The following MANBA variants were observed in gnomAD, a reference collection of about 807,000 sequenced individuals.
The protein encoded by MANBA is mannosidase beta, also known as beta-mannosidase.
In MANBA, 83 loss-of-function variants were observed where a neutral mutation model predicts 111.1. That is an observed-to-expected ratio of 0.75 (90% CI 0.63 to 0.90). The LOEUF is 0.90. Ranked by LOEUF, MANBA falls within the 40% of genes least tolerant of loss-of-function variation. MANBA has a pLI of 0.00. For missense variants in MANBA, 1,036 were observed against 1,069.0 expected (o/e 0.97, Z 0.43); for synonymous variants, 370 against 378.7 (o/e 0.98, Z 0.27).
chr4:102,729,635 A>C, intron 1 of MANBA: 1 of 1,160,864 alleles, frequency 8.6e-7, no homozygotes. Flanking sequence ...TCTCATCCTC[A>C]TACTTGTTCT....
At chr4:102,703,868 G>T (rs1482664101) in intron 5 of MANBA, among the ~76,000 whole-genome samples, 1 of 152,090 alleles carries the variant, frequency 6.6e-6, no homozygotes. Flanking sequence ...GGCTGAGGCG[G>T]GTGGATCACA....
chr4:102,699,074 T>C (rs901459291), intron 5 of MANBA, among the ~76,000 whole-genome samples: 2 of 152,162 alleles, frequency 1.3e-5, no homozygotes, highest in Admixed American at 6.5e-5. Context: ...GTCCTTCACG[T>C]CCCTTGTAAG....
At chr4:102,642,868 T>C (rs72936914) in intron 13 of MANBA, among the ~76,000 whole-genome samples, 4,875 of 152,262 alleles carry the variant, frequency 0.032, 260 homozygotes, top group African/African-American at 0.11. Flanking sequence ...TGAGTAGCCA[T>C]GTGACTAAGT....
chr4:102,682,987 T>C (rs1732052500), intron 7 of MANBA: 1 of 152,162 alleles, frequency 6.6e-6, no homozygotes, highest in African/African-American at 2.4e-5. Flanking sequence ...CTGTGCCCTC[T>C]CAATACAAAA....
intron 10 of MANBA, 69 bp downstream of exon 10, chr4:102,668,894 A>T: frequency 7.6e-7 from 1 of 1,313,798 alleles, no homozygotes. Flanking sequence ...AAATGAAGCA[A>T]GATTTAACAA....
chr4:102,753,881 G>A (rs1304719684), intron 1 of MANBA: 5 of 421,058 alleles, frequency 1.2e-5, no homozygotes, highest in East Asian at 1.7e-4. Flanking sequence ...TCAGGAGATC[G>A]AGACCAGCTT....
chr4:102,671,552 C>T (rs892737676), intron 8 of MANBA, among the ~76,000 whole-genome samples, 154 bp from the exon 9 acceptor site: 1 of 152,030 alleles, frequency 6.6e-6, no homozygotes, highest in Non-Finnish European at 1.5e-5. Context: ...AAATTATATA[C>T]ACATTAACTA....
intron 10 of MANBA, chr4:102,665,259 T>A (rs533617507): frequency 4.8e-6 from 1 of 209,378 alleles, no homozygotes; most frequent in South Asian, 7.3e-5. Flanking sequence ...CAAATTGGAG[T>A]TCTGTGTGAA....
Position 102,726,782 on chromosome 4 carries a change from A to T in MANBA, c.178-99T>A. On this transcript the variant is annotated intron_variant, in intron 1 of 16. Coordinates refer to ENST00000647097, the MANE Select transcript of MANBA (RefSeq NM_005908.4). ...AAATTATTAACAACAGCTATTTATCACCTAAAAATTAACGAACTTTTAGCC... is the reference window on the plus strand; with the variant it reads ...AAATTATTAACAACAGCTATTTATCTCCTAAAAATTAACGAACTTTTAGCC... The T allele has an allele frequency of 5.5e-6, 4 of 722,136 alleles. No individual in the cohort carries two copies. The South Asian group carries it at 6.2e-5, about 11-fold the overall frequency. 44.7% of individuals were successfully genotyped at this position (722,136 alleles called of 1,614,324 possible).
At chr4:102,657,315 T>C (rs531093117) in intron 12 of MANBA, among the ~76,000 whole-genome samples, 33 of 152,072 alleles carry the variant, frequency 2.2e-4, no homozygotes, top group African/African-American at 8.0e-4. Context: ...TTTATCACAT[T>C]TACCCTCTTC....
Position 102,669,001 on chromosome 4 carries a change from C to T in MANBA, c.1279G>A (p.Gly427Ser), listed in dbSNP as rs754531974. 1.9e-6 allele frequency: 3 copies of T among 1,613,760 alleles called. No individual in the cohort carries two copies. The highest frequency in any genetic ancestry group is 2.5e-6 in the Non-Finnish European group (3 of 1,179,848). The change falls in exon 10 of 17, where the codon GGC (glycine) becomes AGC (serine). Residue 427 changes from glycine to serine, a missense_variant. Transcript: ENST00000647097. ...FACALYPTDQ[G>S]FLDSVTAEVA... ...TCTGCTGTCACTGAATCCAGGAAGC[C>T]CTGATCAGTTGGATAAAGGGCACAG...
chr4:102,667,829 C>A (rs1023568164), intron 10 of MANBA: 5 of 152,112 alleles, frequency 3.3e-5, no homozygotes, highest in Non-Finnish European at 7.4e-5. Context: ...CCTGAGGTTA[C>A]CGAGAAAATG....
intron 9 of MANBA, among the ~76,000 whole-genome samples, chr4:102,670,028 A>G (rs954517547): frequency 2.0e-5 from 3 of 151,678 alleles, no homozygotes; most frequent in Non-Finnish European, 4.4e-5. Flanking sequence ...GGTGACACAC[A>G]TCTGTAATCC....
intron 4 of MANBA, among the ~76,000 whole-genome samples, chr4:102,721,972 G>A (rs7686641): frequency 0.019 from 2,907 of 149,964 alleles, 100 homozygotes; most frequent in African/African-American, 0.065. Context: ...GGAGGCTGCG[G>A]TGAGTTGTGA....
intron 5 of MANBA, among the ~76,000 whole-genome samples, chr4:102,712,829 C>A (rs893454977): frequency 2.8e-4 from 43 of 152,120 alleles, no homozygotes; most frequent in African/African-American, 8.9e-4. Flanking sequence ...GCGCTCAGCT[C>A]AGACCACTTC....
chr4:102,717,463 C>G (rs1317038168), intron 4 of MANBA, among the ~76,000 whole-genome samples: 1 of 151,028 alleles, frequency 6.6e-6, no homozygotes, highest in Admixed American at 6.6e-5. Flanking sequence ...CTCTGTCACC[C>G]AGGCTGGAGT....
In MANBA at chr4:102,701,539, T is replaced by C. The variant is rs548302864; in HGVS notation, c.674-10768A>G. 2.6e-5 allele frequency among the ~76,000 whole-genome samples: 4 copies of C among 152,210 alleles called. No homozygotes were observed. In the South Asian group the frequency reaches 8.3e-4, roughly 32 times the overall value. Reference sequence around the variant, plus strand: ...TGTTGAGTGCTTCCTTCAGGAGCTCTTTTAGGGCAGGCCTGGTGGTGACAA... The same window carrying C: ...TGTTGAGTGCTTCCTTCAGGAGCTCCTTTAGGGCAGGCCTGGTGGTGACAA... On this transcript the variant is annotated intron_variant, in intron 5 of 16. Coordinates refer to ENST00000647097, the MANE Select transcript of MANBA (RefSeq NM_005908.4).
intron 10 of MANBA, chr4:102,665,731 C>T (rs1731190726): frequency 6.6e-6 from 1 of 152,192 alleles, no homozygotes; most frequent in Admixed American, 6.5e-5. Context: ...TTAAATTCCT[C>T]TGAGAATGGC....
intron 13 of MANBA, among the ~76,000 whole-genome samples, chr4:102,650,295 G>A (rs1476361508): frequency 6.6e-6 from 1 of 152,170 alleles, no homozygotes; most frequent in Admixed American, 6.5e-5. Context: ...TTGAAGTAGA[G>A]AATATTTTCA....
Sources: gnomAD v4.1 joint callset for allele counts (sites outside exome capture counted in the v4.1 genomes callset) on GRCh38, gnomAD v4.1.1 for gene constraint, MANE v1.5 for transcripts, NCBI Gene and HGNC (gene_info 2026-07-23, HGNC 2026-07-21) for gene names.